NUP107: variants seen among roughly 807,000 people sequenced by gnomAD.
The protein encoded by NUP107 is nuclear pore complex protein Nup107.
A neutral mutation model predicts 141.0 loss-of-function variants in NUP107; 101 were observed. That is an observed-to-expected ratio of 0.72 (90% CI 0.61 to 0.84). The LOEUF is 0.84. Among genes scored for constraint, NUP107 ranks in the 40% least tolerant of loss-of-function variants. The probability of loss-of-function intolerance (pLI) is 0.00; values close to 1 mark genes in which losing one functional copy is unlikely to be tolerated. For missense variants in NUP107, 941 were observed against 1,102.7 expected (o/e 0.85, Z 2.08); for synonymous variants, 319 against 363.9 (o/e 0.88, Z 1.41).
chr12:68,731,568 A>G, intron 21 of NUP107, 39 bp from the exon 22 acceptor site: 1 of 1,218,552 alleles, frequency 8.2e-7, no homozygotes, highest in Non-Finnish European at 1.2e-6. Flanking sequence ...AGTATCAATG[A>G]TTAATCTTTG....
Position 68,710,174 on chromosome 12 carries a change from TTACTTTGTTCACAC to T in NUP107, c.890+105_890+118del, listed in dbSNP as rs543037761. 1.0e-3 allele frequency: 758 copies of T among 755,986 alleles called. 3 individuals are homozygous for T. Among genetic ancestry groups the T allele is most frequent in the Non-Finnish European group, 1.3e-3 (586 of 447,322 alleles). 46.8% of individuals were successfully genotyped at this position (755,986 alleles called of 1,614,324 possible). On this transcript the variant is annotated intron_variant, in intron 10 of 27. Transcript: ENST00000229179. ...TCTTTCAATAAGTATTATTCAGTTT[TTACTTTGTTCACAC>T]TACTTTGTTCACACTACTTTGTTTG...
chr12:68,701,196 T>C (rs1465520303), intron 7 of NUP107, among the ~76,000 whole-genome samples: 1 of 152,224 alleles, frequency 6.6e-6, no homozygotes, highest in Non-Finnish European at 1.5e-5. Context: ...GCGAAGATTA[T>C]ACCATGTACA....
At chr12:68,718,846 TTATGTATGTATGTATGTATGTATG>T (rs72374995) in intron 12 of NUP107, among the ~76,000 whole-genome samples, 138 of 148,956 alleles carry the variant, frequency 9.3e-4, no homozygotes, top group African/African-American at 3.3e-3. Context: ...TAGAATGCCA[TTATGTATGTATGTATGTATGTATG>T]TATGTATGTA....
intron 12 of NUP107, among the ~76,000 whole-genome samples, chr12:68,717,887 A>G (rs1025748800): frequency 6.6e-6 from 1 of 152,218 alleles, no homozygotes; most frequent in Non-Finnish European, 1.5e-5. Flanking sequence ...TAAAGGCTAT[A>G]AGTTCAGAAT....
At chr12:68,709,868 G>T in intron 9 of NUP107, 137 bp from the exon 10 acceptor site, 3 of 498,170 alleles carry the variant, frequency 6.0e-6, no homozygotes, top group Non-Finnish European at 7.2e-6. Context: ...CAGCCTGCAC[G>T]ACAGAGTGAG....
In NUP107 at chr12:68,688,927, G is replaced by A. The variant is rs752602526; in HGVS notation, c.9-35G>A. 4.0e-5 allele frequency: 60 copies of A among 1,485,902 alleles called. 1 individual carries two copies. In the East Asian group the frequency reaches 1.1e-3, roughly 27 times the overall value. 92.0% of individuals were successfully genotyped at this position (1,485,902 alleles called of 1,614,324 possible). On this transcript the variant is annotated intron_variant, in intron 1 of 27. Transcript: ENST00000229179. ...AATTCTTTATAAATGCTATATTCTC[G>A]TTTCACTTATATAAGCTTGATTATA...
At chr12:68,706,775 G>T (rs988862787) in intron 8 of NUP107, 5 of 759,726 alleles carry the variant, frequency 6.6e-6, no homozygotes, top group African/African-American at 5.1e-5. Context: ...GCTGGCCTTG[G>T]ACATCAAGAT....
At chr12:68,701,842 ACT>A (rs1876345269) in intron 7 of NUP107, among the ~76,000 whole-genome samples, 1 of 151,868 alleles carries the variant, frequency 6.6e-6, no homozygotes, top group Non-Finnish European at 1.5e-5. Flanking sequence ...AAAGAGTCTC[ACT>A]CTGTTGCTCA....
intron 26 of NUP107, among the ~76,000 whole-genome samples, chr12:68,741,366 G>T (rs535468503): frequency 2.6e-4 from 39 of 152,160 alleles, no homozygotes; most frequent in Admixed American, 8.5e-4. Flanking sequence ...TTTTCCATGT[G>T]TATAAGCAAA....
chr12:68,687,497 A>G, intron 1 of NUP107: 1 of 1,024,572 alleles, frequency 9.8e-7, no homozygotes, highest in African/African-American at 1.7e-5. Context: ...TGATCTGGGT[A>G]CTGTGCTAGC....
chr12:68,718,097 C>T (rs1218918922), intron 12 of NUP107, among the ~76,000 whole-genome samples: 1 of 152,148 alleles, frequency 6.6e-6, no homozygotes, highest in South Asian at 2.1e-4. Context: ...CTGTCTGTGT[C>T]CAAGACCCAT....
At chr12:68,706,614 G>A (rs1026479824) in intron 8 of NUP107, 2 of 704,602 alleles carry the variant, frequency 2.8e-6, no homozygotes, top group Non-Finnish European at 2.6e-6. Flanking sequence ...AGGCCAGAGG[G>A]CTTCCCTGGA....
chr12:68,722,179 T>G (rs1447820474), intron 17 of NUP107, 27 bp downstream of exon 17: 1 of 1,591,586 alleles, frequency 6.3e-7, no homozygotes, highest in East Asian at 2.2e-5. Flanking sequence ...ATATGTTAGG[T>G]ATCTGGAATA....
At chr12:68,730,567 G>A (rs1006035961) in intron 20 of NUP107, among the ~76,000 whole-genome samples, 2 of 152,088 alleles carry the variant, frequency 1.3e-5, no homozygotes, top group South Asian at 2.1e-4. Flanking sequence ...AATTACAGGC[G>A]CAAGCCACCA....
chr12:68,692,701 G>C (rs577271990), intron 5 of NUP107, among the ~76,000 whole-genome samples: 13 of 151,400 alleles, frequency 8.6e-5, no homozygotes, highest in Non-Finnish European at 1.8e-4. Context: ...TGCAGCCTCA[G>C]CCTCCTGAAT....
At chr12:68,726,065 C>T (rs770802563) in intron 18 of NUP107, among the ~76,000 whole-genome samples, 1 of 151,956 alleles carries the variant, frequency 6.6e-6, no homozygotes, top group Non-Finnish European at 1.5e-5. Context: ...CAACTCCTGA[C>T]GTCAGGTGAT....
chr12:68,707,272 TAAAAC>T (rs1390730625), intron 8 of NUP107, among the ~76,000 whole-genome samples: 3 of 151,554 alleles, frequency 2.0e-5, no homozygotes, highest in Admixed American at 1.3e-4. Context: ...TTTTCCAAAA[TAAAAC>T]CTCAGCTAGC....
chr12:68,696,434 T>C (rs1466877777), intron 5 of NUP107, among the ~76,000 whole-genome samples: 2 of 151,978 alleles, frequency 1.3e-5, no homozygotes, highest in Admixed American at 6.6e-5. Context: ...TCAAACAGGC[T>C]GGGTGCGGTG....
chr12:68,696,229 G>A (rs944264847), intron 5 of NUP107, among the ~76,000 whole-genome samples: 2 of 151,870 alleles, frequency 1.3e-5, no homozygotes, highest in Admixed American at 1.3e-4. Context: ...GCTGGGCATG[G>A]TGGCACGCAC....
Sources: allele counts gnomAD v4.1 joint callset (sites outside exome capture counted in the v4.1 genomes callset), GRCh38; gene constraint gnomAD v4.1.1; transcripts MANE v1.5; gene names NCBI Gene and HGNC (gene_info 2026-07-23, HGNC 2026-07-21).